The following HCN1 variants were observed in gnomAD, a reference collection of about 807,000 sequenced individuals.
The protein encoded by HCN1 is potassium/sodium hyperpolarization-activated cyclic nucleotide-gated channel 1.
HCN1 carries 13 observed loss-of-function variants against 78.9 expected under a neutral mutation model. That is an observed-to-expected ratio of 0.16 (90% confidence interval 0.11 to 0.26). The LOEUF (loss-of-function observed/expected upper bound fraction) is 0.26, where lower values mean the gene tolerates loss of function less well. HCN1 is among the 10% of genes least tolerant of loss of function. HCN1 has a pLI of 1.00. For missense variants in HCN1, 810 were observed against 1,154.3 expected (o/e 0.70, Z 4.32); for synonymous variants, 552 against 455.5 (o/e 1.21, Z -2.70).
Position 45,396,426 on chromosome 5 carries a change from A to G in HCN1, c.1230+66T>C, listed in dbSNP as rs1739688493. On this transcript the variant is annotated intron_variant, in intron 4 of 7. Transcript: ENST00000303230. ...AGAGGAGATGGTGTAGTTATCTTGAACACAATTCAATTTACTGGTTCAGGT... is the reference window on the plus strand; with the variant it reads ...AGAGGAGATGGTGTAGTTATCTTGAGCACAATTCAATTTACTGGTTCAGGT... The G allele has an allele frequency of 4.3e-5, 55 of 1,271,612 alleles. 1 individual carries two copies. In the South Asian group the frequency reaches 6.8e-4, roughly 16 times the overall value. The allele number at this position is 1,271,612 out of a possible 1,614,324, so 78.8% of individuals were successfully genotyped here.
chr5:45,374,111 T>C (rs1187863146), intron 4 of HCN1, among the ~76,000 whole-genome samples: 2 of 108,942 alleles, frequency 1.8e-5, no homozygotes, highest in Non-Finnish European at 3.5e-5. Flanking sequence ...ATATATTATA[T>C]ACATAATATA....
In HCN1 at chr5:45,291,753, C is replaced by G. The variant is rs192513388; in HGVS notation, c.1618+11846G>C. 2.6e-5 allele frequency among the ~76,000 whole-genome samples: 4 copies of G among 152,070 alleles called. No homozygotes were observed. The East Asian group carries it at 5.8e-4, about 22-fold the overall frequency. On this transcript the variant is annotated intron_variant, in intron 6 of 7. Coordinates refer to ENST00000303230, the MANE Select transcript of HCN1 (RefSeq NM_021072.4). ...CTATGTTGCTCAGGCTTGTCTTGAA[C>G]TCCTGGGATCAAGTGATCCTTTAGC...
At chr5:45,661,293 G>T (rs1379100269) in intron 1 of HCN1, among the ~76,000 whole-genome samples, 2 of 126,202 alleles carry the variant, frequency 1.6e-5, no homozygotes, top group African/African-American at 3.0e-5. Flanking sequence ...TCTCTGGGAC[G>T]CATTCAAAGC....
chr5:45,591,035 T>C (rs149726442), intron 2 of HCN1, among the ~76,000 whole-genome samples: 2,003 of 151,952 alleles, frequency 0.013, 24 homozygotes, highest in Middle Eastern at 0.058. Flanking sequence ...TGGGGCTAGC[T>C]TCAAGCAATC....
chr5:45,302,681 T>C (rs1745651798), intron 6 of HCN1, among the ~76,000 whole-genome samples: 1 of 151,706 alleles, frequency 6.6e-6, no homozygotes, highest in African/African-American at 2.4e-5. Context: ...TTTGGCTGTG[T>C]CCCCATTCAA....
intron 3 of HCN1, among the ~76,000 whole-genome samples, chr5:45,449,859 G>A (rs1166037347): frequency 2.6e-5 from 4 of 151,716 alleles, no homozygotes; most frequent in Non-Finnish European, 4.4e-5. Flanking sequence ...TTTTTGAGAC[G>A]GAGTCTCACA....
At chr5:45,392,489 C>G (rs897527562) in intron 4 of HCN1, among the ~76,000 whole-genome samples, 1 of 151,964 alleles carries the variant, frequency 6.6e-6, no homozygotes, top group Admixed American at 6.6e-5. Flanking sequence ...CTTTGTATAG[C>G]TGAGAGAGTA....
intron 2 of HCN1, among the ~76,000 whole-genome samples, chr5:45,592,766 T>C (rs1027761862): frequency 3.9e-5 from 6 of 152,160 alleles, no homozygotes; most frequent in African/African-American, 1.2e-4. Context: ...CATAAACATA[T>C]TCACAGAATA....
At chr5:45,375,316 A>T (rs1169302314) in intron 4 of HCN1, among the ~76,000 whole-genome samples, 1 of 112,542 alleles carries the variant, frequency 8.9e-6, no homozygotes, top group Non-Finnish European at 1.7e-5. Context: ...CAATATATAT[A>T]ATATAATATT....
At chr5:45,285,120 A>G (rs922940322) in intron 6 of HCN1, among the ~76,000 whole-genome samples, 2 of 152,010 alleles carry the variant, frequency 1.3e-5, no homozygotes, top group Admixed American at 1.3e-4. Context: ...AAGTAGCTCC[A>G]TATAATTTTT....
intron 2 of HCN1, among the ~76,000 whole-genome samples, chr5:45,499,813 AG>A (rs1386647169): frequency 6.6e-6 from 1 of 152,200 alleles, no homozygotes; most frequent in Non-Finnish European, 1.5e-5. Flanking sequence ...TAGAAATGAA[AG>A]GCTTGAAAAA....
intron 2 of HCN1, among the ~76,000 whole-genome samples, chr5:45,495,526 T>A (rs895134098): frequency 5.3e-5 from 8 of 152,224 alleles, no homozygotes; most frequent in African/African-American, 1.9e-4. Flanking sequence ...TTTCTAGATA[T>A]ACAATCACGT....
chr5:45,688,050 G>C (rs1739841052), intron 1 of HCN1, among the ~76,000 whole-genome samples: 1 of 152,016 alleles, frequency 6.6e-6, no homozygotes, highest in Non-Finnish European at 1.5e-5. Context: ...GATTTCAATG[G>C]GTGAAGGATT....
chr5:45,565,012 C>T (rs988753760), intron 2 of HCN1, among the ~76,000 whole-genome samples: 11 of 151,904 alleles, frequency 7.2e-5, no homozygotes, highest in African/African-American at 2.7e-4. Context: ...GTGTTTTTGT[C>T]AAATTAAATT....
intron 1 of HCN1, among the ~76,000 whole-genome samples, chr5:45,682,430 C>A (rs1739722306): frequency 6.6e-6 from 1 of 151,340 alleles, no homozygotes; most frequent in Non-Finnish European, 1.5e-5. Context: ...GAATAAAATG[C>A]AGATTAAATG....
intron 6 of HCN1, among the ~76,000 whole-genome samples, chr5:45,282,859 C>A (rs1427577145): frequency 1.3e-5 from 2 of 152,092 alleles, no homozygotes; most frequent in African/African-American, 2.4e-5. Context: ...CCTCTACATA[C>A]CTAAATATCA....
At chr5:45,548,083 A>G (rs542448620) in intron 2 of HCN1, among the ~76,000 whole-genome samples, 1 of 152,074 alleles carries the variant, frequency 6.6e-6, no homozygotes, top group Non-Finnish European at 1.5e-5. Flanking sequence ...GTAAAATATC[A>G]TAAGCCTCTA....
chr5:45,373,249 A>C (rs1481630250), intron 4 of HCN1, among the ~76,000 whole-genome samples: 2 of 119,982 alleles, frequency 1.7e-5, no homozygotes, highest in African/African-American at 6.7e-5. Flanking sequence ...TATATAATAT[A>C]TATTTTATAT....
intron 5 of HCN1, among the ~76,000 whole-genome samples, chr5:45,318,081 T>C (rs574664339): frequency 1.4e-4 from 22 of 152,234 alleles, no homozygotes; most frequent in African/African-American, 4.8e-4. Flanking sequence ...ACTCAAAGGA[T>C]TATAAATCAT....
Sources: gnomAD v4.1 joint callset for allele counts (sites outside exome capture counted in the v4.1 genomes callset) on GRCh38, gnomAD v4.1.1 for gene constraint, MANE v1.5 for transcripts, NCBI Gene and HGNC (gene_info 2026-07-23, HGNC 2026-07-21) for gene names.